Variants in IL1R1 observed in about 807,000 individuals in gnomAD.
IL1R1 encodes interleukin 1 receptor type 1.
Under a neutral mutation model 50.2 loss-of-function variants are expected in IL1R1, and 22 were observed. The observed-to-expected ratio is 0.44, with a 90% confidence interval of 0.31 to 0.63. The LOEUF (loss-of-function observed/expected upper bound fraction) is 0.63. Ranked by LOEUF, IL1R1 falls within the 20% of genes least tolerant of loss-of-function variation. The pLI is 0.07. For synonymous variants in IL1R1, 251 were observed against 236.7 expected (o/e 1.06, Z -0.55); for missense variants, 509 against 676.2 (o/e 0.75, Z 2.74).
Position 102,164,764 on chromosome 2 carries a change from C to T in IL1R1, c.62-10C>T, listed in dbSNP as rs200886570. 4 of 1,596,598 alleles carry T rather than the reference C, an allele frequency of 2.5e-6. No homozygotes were observed. Among genetic ancestry groups the T allele is most frequent in the Non-Finnish European group, 3.4e-6 (4 of 1,166,012 alleles). ...TATGTAAATTGCTTCCACCCTTCTT[C>T]CTTTTAAAGATAAATGCAAGGAACG... On this transcript the variant is annotated splice_polypyrimidine_tract_variant and intron_variant, in intron 3 of 11. Transcript: ENST00000410023.
At chr2:102,136,691 T>C (rs1682365265) in intron 1 of IL1R1, among the ~76,000 whole-genome samples, 1 of 152,182 alleles carries the variant, frequency 6.6e-6, no homozygotes, top group African/African-American at 2.4e-5. Context: ...ACAGTAATTC[T>C]TGATGGAAAG....
intron 1 of IL1R1, among the ~76,000 whole-genome samples, chr2:102,124,527 A>G (rs1461051456): frequency 6.6e-6 from 1 of 151,950 alleles, no homozygotes; most frequent in Admixed American, 6.6e-5. Flanking sequence ...AGCCTCGGGA[A>G]ACTTATAATC....
chr2:102,153,483 G>A (rs547567329), intron 1 of IL1R1, among the ~76,000 whole-genome samples: 2 of 152,200 alleles, frequency 1.3e-5, no homozygotes, highest in South Asian at 2.1e-4. Flanking sequence ...TCATTTAAAT[G>A]TCATGACCTT....
At chr2:102,136,813 T>G (rs1368325909) in intron 1 of IL1R1, among the ~76,000 whole-genome samples, 1 of 152,194 alleles carries the variant, frequency 6.6e-6, no homozygotes, top group Admixed American at 6.5e-5. Context: ...TAAGCAAATA[T>G]GGCACTCCTG....
intron 3 of IL1R1, among the ~76,000 whole-genome samples, chr2:102,158,928 GA>G (rs1230010215): frequency 6.6e-6 from 1 of 152,198 alleles, no homozygotes; most frequent in Non-Finnish European, 1.5e-5. Flanking sequence ...GTGGCAAGGA[GA>G]AGTGAGAAGT....
chr2:102,131,000 C>T lies in IL1R1; in HGVS notation c.-83-22941C>T, dbSNP rs577974871. Among the ~76,000 whole-genome samples, 344 of 152,226 alleles carry T rather than the reference C, an allele frequency of 2.3e-3. 1 individual carries two copies. Among genetic ancestry groups the T allele is most frequent in the Non-Finnish European group, 4.2e-3 (286 of 68,026 alleles). ...GTTTCCAGGCCATGGCACAGGGAAGCGTGACCCAGGCAGAGTCAGTGAGAA... is the reference window on the plus strand; with the variant it reads ...GTTTCCAGGCCATGGCACAGGGAAGTGTGACCCAGGCAGAGTCAGTGAGAA... On this transcript the variant is annotated intron_variant, in intron 1 of 10. Coordinates refer to the IL1R1 transcript ENST00000409329.
intron 1 of IL1R1, among the ~76,000 whole-genome samples, chr2:102,098,903 G>A (rs1315950431): frequency 6.6e-6 from 1 of 152,190 alleles, no homozygotes. Context: ...GTATCAGAGA[G>A]CTGTTGAAGA....
chr2:102,154,997 A>T (rs991728418), intron 2 of IL1R1, among the ~76,000 whole-genome samples: 1 of 151,902 alleles, frequency 6.6e-6, no homozygotes, highest in Non-Finnish European at 1.5e-5. Context: ...TCACAGTCTA[A>T]CTCTGTGTCC....
intron 1 of IL1R1, among the ~76,000 whole-genome samples, chr2:102,131,226 G>A (rs953886261): frequency 6.6e-6 from 1 of 152,110 alleles, no homozygotes; most frequent in Admixed American, 6.6e-5. Context: ...CCTGTCTGCC[G>A]AGTCTTAAAA....
intron 9 of IL1R1, 141 bp downstream of exon 9, chr2:102,172,979 C>A: frequency 1.6e-6 from 1 of 612,920 alleles, no homozygotes; most frequent in East Asian, 2.9e-5. Context: ...CTCTTTTACT[C>A]TTCTGCTGAA....
At chr2:102,168,015 G>A (rs1442641958) in intron 6 of IL1R1, among the ~76,000 whole-genome samples, 2 of 152,016 alleles carry the variant, frequency 1.3e-5, no homozygotes, top group African/African-American at 2.4e-5. Context: ...GGGGAATACC[G>A]AGTGCTCAAT....
intron 3 of IL1R1, among the ~76,000 whole-genome samples, chr2:102,162,191 C>A (rs1684790868): frequency 6.6e-6 from 1 of 152,126 alleles, no homozygotes; most frequent in Non-Finnish European, 1.5e-5. Flanking sequence ...ATGGTTAACC[C>A]TAGCTAATTA....
intron 7 of IL1R1, among the ~76,000 whole-genome samples, chr2:102,171,460 ATAGT>A (rs754807586): frequency 4.6e-5 from 7 of 152,238 alleles, no homozygotes; most frequent in Non-Finnish European, 7.3e-5. Context: ...TCAATAGGAA[ATAGT>A]TAATCATAGT....
upstream of IL1R1, among the ~76,000 whole-genome samples, chr2:102,101,294 T>C (rs1428668244): frequency 1.3e-5 from 2 of 152,202 alleles, no homozygotes; most frequent in African/African-American, 4.8e-5. Context: ...TGAGATGAAG[T>C]GATTTTCCCA....
intron 1 of IL1R1, among the ~76,000 whole-genome samples, chr2:102,082,312 G>A (rs1488316375): frequency 6.6e-6 from 1 of 151,902 alleles, no homozygotes; most frequent in Non-Finnish European, 1.5e-5. Context: ...TATTTGCCAT[G>A]TGATCCATTT....
intron 8 of IL1R1, 134 bp downstream of exon 8, chr2:102,172,052 T>G (rs1004240932): frequency 4.1e-4 from 182 of 445,278 alleles, no homozygotes; most frequent in African/African-American, 3.6e-3. Context: ...TTTTTTTTTT[T>G]TTTTGCTAAG....
intron 1 of IL1R1, among the ~76,000 whole-genome samples, chr2:102,150,057 A>C (rs934582370): frequency 4.6e-5 from 7 of 152,162 alleles, no homozygotes; most frequent in Admixed American, 1.3e-4. Flanking sequence ...TCTATCCTAG[A>C]AGGCAGGGCT....
intron 1 of IL1R1, among the ~76,000 whole-genome samples, chr2:102,134,241 T>C (rs1332782938): frequency 1.6e-5 from 2 of 121,694 alleles, no homozygotes; most frequent in Admixed American, 8.6e-5. Flanking sequence ...GCCCACGATG[T>C]GCCTGGCACT....
chr2:102,170,787 G>A (rs1024370821), intron 7 of IL1R1, among the ~76,000 whole-genome samples: 6 of 152,184 alleles, frequency 3.9e-5, no homozygotes, highest in African/African-American at 9.7e-5. Context: ...CCAGCCAGGC[G>A]TGGTGGCTCA....
Sources: allele counts gnomAD v4.1 joint callset (sites outside exome capture counted in the v4.1 genomes callset), GRCh38; gene constraint gnomAD v4.1.1; transcripts MANE v1.5; gene names NCBI Gene and HGNC (gene_info 2026-07-23, HGNC 2026-07-21).